The following PRIM2 variants were observed in gnomAD, a reference collection of about 807,000 sequenced individuals.
The protein encoded by PRIM2 is DNA primase subunit 2, also known as DNA primase large subunit.
PRIM2 carries 39 observed loss-of-function variants against 67.3 expected under a neutral mutation model. That is an observed-to-expected ratio of 0.58 (90% CI 0.45 to 0.76). PRIM2 has a LOEUF of 0.76. Among genes scored for constraint, PRIM2 ranks in the 30% least tolerant of loss-of-function variants. PRIM2 has a pLI of 0.00. For synonymous variants in PRIM2, 143 were observed against 198.7 expected (o/e 0.72, Z 2.36); for missense variants, 398 against 598.7 (o/e 0.66, Z 3.50).
intron 10 of PRIM2, among the ~76,000 whole-genome samples, chr6:57,557,814 CAT>C (rs1348208291): frequency 4.6e-4 from 69 of 151,452 alleles, no homozygotes; most frequent in African/African-American, 1.5e-3. Flanking sequence ...CCTCAGGGAA[CAT>C]AGTCTATACT....
At chr6:57,242,357 C>T in the PRIM2 span, among the ~76,000 whole-genome samples, 20 of 152,038 alleles carry the variant, frequency 1.3e-4, no homozygotes, top group East Asian at 3.7e-3. Context: ...ATAAATAAAA[C>T]AGAAAACAGT....
At chr6:57,424,221 G>A (rs1771551986) in intron 7 of PRIM2, among the ~76,000 whole-genome samples, 1 of 152,062 alleles carries the variant, frequency 6.6e-6, no homozygotes, top group African/African-American at 2.4e-5. Flanking sequence ...TTAACTGAGA[G>A]ATCAAGATAA....
chr6:57,397,578 A>G (rs1770561710), intron 7 of PRIM2, among the ~76,000 whole-genome samples: 1 of 151,884 alleles, frequency 6.6e-6, no homozygotes. Flanking sequence ...CACTTCTTGT[A>G]TCATTTTTTG....
At chr6:57,332,723 T>G (rs545930153) in intron 5 of PRIM2, among the ~76,000 whole-genome samples, 7 of 152,264 alleles carry the variant, frequency 4.6e-5, no homozygotes, top group Non-Finnish European at 8.8e-5. Flanking sequence ...ATATGTCTTT[T>G]TCTATTCTTT....
intron 7 of PRIM2, among the ~76,000 whole-genome samples, chr6:57,384,058 T>C (rs888941043): frequency 2.6e-5 from 4 of 152,242 alleles, no homozygotes; most frequent in Non-Finnish European, 5.9e-5. Context: ...TTGCCCAATG[T>C]TTCACCCCTT....
At chr6:57,612,570 A>G (rs1435915397) in intron 12 of PRIM2, among the ~76,000 whole-genome samples, 9 of 152,156 alleles carry the variant, frequency 5.9e-5, no homozygotes, top group Non-Finnish European at 1.2e-4. Flanking sequence ...GAGGTGTTAT[A>G]AAGGACAAGG....
intron 12 of PRIM2, among the ~76,000 whole-genome samples, chr6:57,631,240 AT>A (rs1446938532): frequency 6.6e-6 from 1 of 152,178 alleles, no homozygotes; most frequent in African/African-American, 2.4e-5. Context: ...CTTTTAAAAC[AT>A]AAAAAAGGAA....
the PRIM2 span, among the ~76,000 whole-genome samples, chr6:57,247,585 C>T: frequency 2.0e-5 from 3 of 152,290 alleles, no homozygotes; most frequent in Non-Finnish European, 2.9e-5. Context: ...AGTATAAATT[C>T]TCATTTATAG....
the PRIM2 span, among the ~76,000 whole-genome samples, chr6:57,253,682 A>G: frequency 9.9e-5 from 15 of 152,204 alleles, no homozygotes; most frequent in Non-Finnish European, 2.2e-4. Flanking sequence ...TGATATAATT[A>G]TTAATGCAAC....
the PRIM2 span, among the ~76,000 whole-genome samples, chr6:57,270,757 T>C: frequency 2.0e-5 from 3 of 152,334 alleles, no homozygotes; most frequent in East Asian, 5.8e-4. Context: ...TGATATTGGC[T>C]GTGGGTTTGT....
chr6:57,533,645 A>C (rs1774937903), intron 9 of PRIM2, among the ~76,000 whole-genome samples: 2 of 152,208 alleles, frequency 1.3e-5, no homozygotes. Context: ...ATTTGTGCTT[A>C]TATAATGTGA....
the PRIM2 span, among the ~76,000 whole-genome samples, chr6:57,243,074 A>T: frequency 2.0e-5 from 3 of 152,232 alleles, no homozygotes; most frequent in Admixed American, 6.5e-5. Flanking sequence ...CCTAATGTTC[A>T]ATCTGCTCTC....
At chr6:57,424,079 C>T (rs555485656) in intron 7 of PRIM2, among the ~76,000 whole-genome samples, 32 of 152,108 alleles carry the variant, frequency 2.1e-4, no homozygotes, top group Admixed American at 1.6e-3. Context: ...GTTTAGCCAG[C>T]GTGGATTGTG....
At chr6:57,250,776 C>G in the PRIM2 span, among the ~76,000 whole-genome samples, 1 of 152,292 alleles carries the variant, frequency 6.6e-6, no homozygotes, top group Admixed American at 6.5e-5. Context: ...GTATTTGACT[C>G]TTTCCCGTTT....
At chr6:57,446,539 C>T (rs72873593) in intron 7 of PRIM2, among the ~76,000 whole-genome samples, 1 of 150,868 alleles carries the variant, frequency 6.6e-6, no homozygotes, top group East Asian at 2.0e-4. Context: ...TCAGCCTCCC[C>T]AGTAGCTGAG....
chr6:57,604,941 C>T (rs1209274604), intron 11 of PRIM2, among the ~76,000 whole-genome samples: 4 of 152,188 alleles, frequency 2.6e-5, no homozygotes, highest in Admixed American at 6.5e-5. Context: ...CCGCCCGCCT[C>T]GGCTTTCCAA....
At chr6:57,236,494 C>T in the PRIM2 span, among the ~76,000 whole-genome samples, 3 of 152,068 alleles carry the variant, frequency 2.0e-5, no homozygotes, top group Non-Finnish European at 4.4e-5. Flanking sequence ...TATACATGTG[C>T]CATGTTAGTG....
intron 10 of PRIM2, among the ~76,000 whole-genome samples, chr6:57,569,823 T>C (rs1458769666): frequency 2.0e-5 from 3 of 152,098 alleles, no homozygotes; most frequent in African/African-American, 7.2e-5. Flanking sequence ...CTTGGCTCAC[T>C]GCAACCTCTG....
At chr6:57,380,139 T>G (rs989303805) in intron 6 of PRIM2, 143 bp downstream of exon 6, 15 of 641,456 alleles carry the variant, frequency 2.3e-5, no homozygotes, top group Non-Finnish European at 5.1e-6. Flanking sequence ...CTCATTGCAC[T>G]AATGGTGTGC....
Sources: allele counts gnomAD v4.1 joint callset (sites outside exome capture counted in the v4.1 genomes callset), GRCh38; gene constraint gnomAD v4.1.1; transcripts MANE v1.5; gene names NCBI Gene and HGNC (gene_info 2026-07-23, HGNC 2026-07-21).